Variants in TMEM132C observed in about 807,000 individuals in gnomAD.
TMEM132C encodes the protein protein phosphatase 1, regulatory subunit 152.
TMEM132C carries 29 observed loss-of-function variants against 61.4 expected under a neutral mutation model. The observed-to-expected ratio is 0.47, with a 90% CI of 0.35 to 0.64. The LOEUF is 0.64. Among genes scored for constraint, TMEM132C ranks in the 30% least tolerant of loss-of-function variants. The pLI, the probability that TMEM132C is intolerant of heterozygous loss-of-function variation, is 0.00. For missense variants in TMEM132C, 1,408 were observed against 1,476.9 expected, an observed-to-expected ratio of 0.95 and a Z score of 0.76; for synonymous variants, 656 against 633.1, an observed-to-expected ratio of 1.04 and a Z score of -0.54.
At chr12:128,624,936 C>T (rs1954001018) in intron 4 of TMEM132C, among the ~76,000 whole-genome samples, 1 of 152,152 alleles carries the variant, frequency 6.6e-6, no homozygotes, top group African/African-American at 2.4e-5. Context: ...CCAGCTCACT[C>T]TCTCAATGAT....
chr12:128,344,569 A>G (rs1873088646), intron 1 of TMEM132C, among the ~76,000 whole-genome samples: 1 of 152,182 alleles, frequency 6.6e-6, no homozygotes, highest in Non-Finnish European at 1.5e-5. Context: ...TGAAGTTGCT[A>G]CACTATAGAG....
intron 4 of TMEM132C, among the ~76,000 whole-genome samples, chr12:128,640,502 G>C (rs116089713): frequency 6.6e-6 from 1 of 152,170 alleles, no homozygotes; most frequent in Non-Finnish European, 1.5e-5. Flanking sequence ...CAACTAAAGT[G>C]TGCAGAGTTT....
chr12:128,567,546 A>G (rs1874745543), intron 3 of TMEM132C, among the ~76,000 whole-genome samples: 1 of 152,112 alleles, frequency 6.6e-6, no homozygotes, highest in African/African-American at 2.4e-5. Flanking sequence ...ATATCCAGTC[A>G]TCATGTTGTA....
intron 2 of TMEM132C, among the ~76,000 whole-genome samples, chr12:128,451,889 C>T (rs1330078448): frequency 6.6e-6 from 1 of 151,962 alleles, no homozygotes; most frequent in Non-Finnish European, 1.5e-5. Flanking sequence ...GTGGAGCTTA[C>T]ACTTTATGGG....
At chr12:128,291,795 T>A (rs1193402) in intron 1 of TMEM132C, among the ~76,000 whole-genome samples, 36,094 of 152,188 alleles carry the variant, frequency 0.24, 4,951 homozygotes, top group East Asian at 0.55. Context: ...ATTCTAGTCC[T>A]GTCTGAGGCA....
Position 128,352,293 on chromosome 12 carries a change from G to A in TMEM132C, c.86-62439G>A, listed in dbSNP as rs116671935. Among the ~76,000 whole-genome samples the A allele has an allele frequency of 3.7e-3, 571 of 152,306 alleles. 1 individual carries two copies. Among genetic ancestry groups the A allele is most frequent in the African/African-American group, 0.013 (550 of 41,552 alleles). ...ACATGTCCTTCTTCACATGGCGGCA[G>A]GAAGGAGAAGTGTCGAGTGAAGTTG... On this transcript the variant is annotated intron_variant, in intron 1 of 8. Coordinates refer to ENST00000435159, the MANE Select transcript of TMEM132C (RefSeq NM_001136103.3).
At chr12:128,530,216 A>T (rs1285343586) in intron 2 of TMEM132C, among the ~76,000 whole-genome samples, 1 of 152,210 alleles carries the variant, frequency 6.6e-6, no homozygotes, top group African/African-American at 2.4e-5. Flanking sequence ...TTGCCATGCA[A>T]GATGCCGGGG....
chr12:128,638,503 T>C (rs1376751064), intron 4 of TMEM132C, among the ~76,000 whole-genome samples: 1 of 152,250 alleles, frequency 6.6e-6, no homozygotes, highest in Non-Finnish European at 1.5e-5. Flanking sequence ...ATGTTCATTA[T>C]TTCGTTTAAT....
chr12:128,392,722 GGAA>G (rs1190527857), intron 1 of TMEM132C, among the ~76,000 whole-genome samples: 4 of 151,606 alleles, frequency 2.6e-5, no homozygotes, highest in African/African-American at 4.9e-5. Flanking sequence ...GGGCCACACT[GGAA>G]GAAGAAGAAT....
At chr12:128,391,578 T>C (rs1460022581) in intron 1 of TMEM132C, among the ~76,000 whole-genome samples, 45 of 152,236 alleles carry the variant, frequency 3.0e-4, no homozygotes, top group Admixed American at 2.9e-3. Flanking sequence ...CATATTGGAT[T>C]CTGTTTTAAT....
At chr12:128,526,831 G>A (rs1028099238) in intron 2 of TMEM132C, among the ~76,000 whole-genome samples, 5 of 152,164 alleles carry the variant, frequency 3.3e-5, no homozygotes, top group African/African-American at 1.2e-4. Context: ...AGGAGCAGCA[G>A]TACAGAGCCT....
At chr12:128,449,008 G>A (rs567263080) in intron 2 of TMEM132C, among the ~76,000 whole-genome samples, 45 of 151,600 alleles carry the variant, frequency 3.0e-4, no homozygotes, top group Non-Finnish European at 6.0e-4. Flanking sequence ...GCGGTGGCGG[G>A]CACCTGTAGT....
chr12:128,525,657 C>G (rs544510532), intron 2 of TMEM132C, among the ~76,000 whole-genome samples: 2 of 152,252 alleles, frequency 1.3e-5, no homozygotes, highest in Non-Finnish European at 2.9e-5. Context: ...CTTCTAGAAC[C>G]CATCGGCCTT....
At chr12:128,680,198 G>A (rs181865554) in intron 5 of TMEM132C, among the ~76,000 whole-genome samples, 1 of 152,270 alleles carries the variant, frequency 6.6e-6, no homozygotes, top group Admixed American at 6.5e-5. Context: ...TTCTGGTTTG[G>A]GGTTTAAGTA....
chr12:128,694,632 CCA>C (rs1303675476), intron 6 of TMEM132C, among the ~76,000 whole-genome samples: 2 of 152,178 alleles, frequency 1.3e-5, no homozygotes, highest in Non-Finnish European at 2.9e-5. Context: ...ATGCTCCACC[CCA>C]GACCATCAGG....
At chr12:128,656,224 T>C (rs934582473) in intron 4 of TMEM132C, among the ~76,000 whole-genome samples, 2 of 152,262 alleles carry the variant, frequency 1.3e-5, no homozygotes, top group East Asian at 3.9e-4. Context: ...CTAATTTTTA[T>C]ATTTTTAGTA....
intron 2 of TMEM132C, among the ~76,000 whole-genome samples, chr12:128,436,539 G>GA (rs1311681914): frequency 6.6e-6 from 1 of 152,186 alleles, no homozygotes; most frequent in Non-Finnish European, 1.5e-5. Flanking sequence ...ACAGACACAT[G>GA]AAAAAATGCT....
intron 2 of TMEM132C, among the ~76,000 whole-genome samples, chr12:128,534,896 G>A (rs1873462584): frequency 6.6e-6 from 1 of 152,214 alleles, no homozygotes; most frequent in Non-Finnish European, 1.5e-5. Flanking sequence ...CTATGAACAT[G>A]CACTATTAAG....
intron 2 of TMEM132C, among the ~76,000 whole-genome samples, chr12:128,453,351 C>A (rs1472834313): frequency 1.3e-5 from 2 of 152,166 alleles, no homozygotes; most frequent in Admixed American, 1.3e-4. Flanking sequence ...CAGATGACCT[C>A]ACCCTGTGTC....
Sources: allele counts gnomAD v4.1 joint callset (sites outside exome capture counted in the v4.1 genomes callset), GRCh38; gene constraint gnomAD v4.1.1; transcripts MANE v1.5; gene names NCBI Gene and HGNC (gene_info 2026-07-23, HGNC 2026-07-21).